The following GSDMC variants were observed in gnomAD, a reference collection of about 807,000 sequenced individuals.
The protein encoded by GSDMC is gasdermin C, also known as gasdermin-C.
GSDMC carries 59 observed loss-of-function variants against 58.0 expected under a neutral mutation model. That is an observed-to-expected ratio of 1.02 (90% CI 0.82 to 1.26). GSDMC has a LOEUF of 1.26. Among genes scored for constraint, GSDMC ranks in the 50% most tolerant of loss-of-function variants. GSDMC has a pLI of 0.00. For missense variants in GSDMC, 659 were observed against 598.5 expected (o/e 1.10, Z -1.06); for synonymous variants, 241 against 220.2 (o/e 1.09, Z -0.83).
intron 6 of GSDMC, among the ~76,000 whole-genome samples, chr8:129,753,421 G>A (rs1031641598): frequency 6.6e-6 from 1 of 152,160 alleles, no homozygotes; most frequent in Admixed American, 6.6e-5. Flanking sequence ...CTGCCTTGAA[G>A]GGAAGAACAC....
At chr8:129,746,741 G>A (rs947457411), downstream of GSDMC, among the ~76,000 whole-genome samples, 2 of 152,086 alleles carry the variant, frequency 1.3e-5, no homozygotes, top group South Asian at 2.1e-4. Context: ...ATAAGTCAAC[G>A]GGAGACCTTT....
the GSDMC span, among the ~76,000 whole-genome samples, chr8:129,735,626 G>T: frequency 6.6e-5 from 10 of 152,204 alleles, no homozygotes; most frequent in African/African-American, 2.4e-4. Flanking sequence ...AAAACACAAT[G>T]TACCAGAATC....
chr8:129,772,526 G>T (rs911077986), intron 3 of GSDMC, among the ~76,000 whole-genome samples: 2 of 152,074 alleles, frequency 1.3e-5, no homozygotes, highest in Non-Finnish European at 2.9e-5. Context: ...GTAGATAAGA[G>T]AAATGGATAA....
At chr8:129,765,574 C>T in intron 4 of GSDMC, 54 bp downstream of exon 4, 1 of 1,333,016 alleles carries the variant, frequency 7.5e-7, no homozygotes. Flanking sequence ...GCTTGGCTGC[C>T]AGGACTGGCT....
At chr8:129,754,547 C>A (rs997375533) in intron 6 of GSDMC, among the ~76,000 whole-genome samples, 1 of 152,120 alleles carries the variant, frequency 6.6e-6, no homozygotes, top group Non-Finnish European at 1.5e-5. Context: ...TCAATGCCTA[C>A]ATACCAAAAA....
At chr8:129,726,477 G>A in the GSDMC span, among the ~76,000 whole-genome samples, 1,192 of 152,246 alleles carry the variant, frequency 7.8e-3, 17 homozygotes, top group African/African-American at 0.027. Flanking sequence ...CAAGCATCCT[G>A]CTGTTTGACA....
Position 129,752,772 on chromosome 8 carries a change from C to T in GSDMC, c.770G>A (p.Gly257Glu). ...MVGYCAARSE[G>E]LLPSFHTISP... ...GATGGTATGAAATGATGGTAGCAAC[C>T]CCTCACTCCTCGCAGCACAGTAGCC... Residue 257 changes from glycine to glutamate, a missense_variant, in exon 7 of 14, where the codon GGG (glycine) becomes GAG (glutamate). Coordinates refer to ENST00000276708, the MANE Select transcript of GSDMC (RefSeq NM_031415.3). 6.2e-7 allele frequency: 1 copy of T among 1,614,130 alleles called. No homozygotes were observed. Among genetic ancestry groups the T allele is most frequent in the African/African-American group, 1.3e-5 (1 of 75,018 alleles).
chr8:129,752,747 G>A lies in GSDMC; in HGVS notation c.795C>T (p.Ile265=). 6.2e-7 allele frequency: 1 copy of A among 1,614,228 alleles called. No individual in the cohort carries two copies. Residue 265 remains isoleucine, a synonymous_variant, in exon 7 of 14, where the codon ATC becomes ATT. Transcript: ENST00000276708. The stretch of plus-strand genomic sequence containing the variant: ...ATGAGGCATTGAAGAGGGTTGGAGA[G>A]ATGGTATGAAATGATGGTAGCAACC... ...SEGLLPSFHT[I]SPTLFNASSN...
At chr8:129,716,398 T>C in the GSDMC span, among the ~76,000 whole-genome samples, 1 of 152,250 alleles carries the variant, frequency 6.6e-6, no homozygotes, top group Non-Finnish European at 1.5e-5. Flanking sequence ...GGGAGTTCAC[T>C]CATGATTTGG....
chr8:129,735,688 C>T, the GSDMC span, among the ~76,000 whole-genome samples: 7 of 152,086 alleles, frequency 4.6e-5, no homozygotes, highest in Non-Finnish European at 1.0e-4. Flanking sequence ...GCACTAAATG[C>T]CCACAAGAGA....
rs553612491 is a variant in GSDMC, at chr8:129,754,325, G to A, written c.722-1505C>T. ...AGAGAGAGAGACCCCATTTGTTTGGGAGAAAGTAAGGGGAAAAAACAAGAG... is the reference window on the plus strand; with the variant it reads ...AGAGAGAGAGACCCCATTTGTTTGGAAGAAAGTAAGGGGAAAAAACAAGAG... On this transcript the variant is annotated intron_variant, in intron 6 of 13. Transcript: ENST00000276708. Among the ~76,000 whole-genome samples, 20 of 152,330 alleles carry A rather than the reference G, an allele frequency of 1.3e-4. 1 individual carries two copies. Among genetic ancestry groups the A allele is most frequent in the South Asian group, 1.2e-3 (6 of 4,826 alleles).
chr8:129,730,215 A>T, the GSDMC span: 1 of 1,263,884 alleles, frequency 7.9e-7, no homozygotes, highest in Non-Finnish European at 1.1e-6. Context: ...AGAAGAAATG[A>T]ATAAAAGACA....
chr8:129,773,976 G>A (rs750906848), intron 3 of GSDMC, among the ~76,000 whole-genome samples: 1 of 152,054 alleles, frequency 6.6e-6, no homozygotes, highest in East Asian at 1.9e-4. Context: ...TTATTAAAAT[G>A]TCATACTACT....
rs2033110144 is a variant in GSDMC at position 129,750,000 on chromosome 8, T to C, written c.1203A>G (p.Glu401=). ...NPKDPILYLL[E]AIMVLSDFQH... is the part of the protein sequence containing the mutation. The stretch of plus-strand genomic sequence containing the variant: ...TTTAATTACTCTTACCCATTATGGC[T>C]TCAAGGAGATAAAGAATGGGGTCCT... Residue 401 remains glutamate, a synonymous_variant, in exon 12 of 14, where the codon GAA becomes GAG. Transcript: ENST00000276708. 6.2e-7 allele frequency: 1 copy of C among 1,601,782 alleles called. No homozygotes were observed. Among genetic ancestry groups the C allele is most frequent in the South Asian group, 1.1e-5 (1 of 87,972 alleles).
At position 129,777,492 on chromosome 8, in the gene GSDMC, T is replaced by C. The variant is rs942778004; in HGVS notation, c.96A>G (p.Lys32=). 1 of 1,613,368 alleles carries C rather than the reference T, an allele frequency of 6.2e-7. No homozygotes were observed. Residue 32 remains lysine, a synonymous_variant, in exon 2 of 14, where the codon AAA becomes AAG. Transcript: ENST00000276708. The stretch of plus-strand genomic sequence containing the variant: ...TTCGTAATATAACAAACTGACGTAA[T>C]TTGGTGGCACTCAATAGGTATTTGA... ...TPVKYLLSAT[K]LRQFVILRKK...
At position 129,750,550 on chromosome 8, in the gene GSDMC, C is replaced by G; in HGVS notation, c.964G>C (p.Glu322Gln). Residue 322 changes from glutamate to glutamine, a missense_variant, in exon 11 of 14, where the codon GAG (glutamate) becomes CAG (glutamine). Transcript: ENST00000276708. ...AGTGTCTTTATTTTCTGGAAAACCT[C>G]CTCTTGTAGATGCTTGAAATCTGCT... is the stretch of plus-strand genomic sequence containing the variant. ...FWQNFKHLQEEVFQKIKTLAQ... is the reference protein window; with the variant it reads ...FWQNFKHLQEQVFQKIKTLAQ... The G allele has an allele frequency of 6.2e-7, 1 of 1,614,076 alleles. No homozygotes were observed. The highest frequency in any genetic ancestry group is 8.5e-7 in the Non-Finnish European group (1 of 1,179,956).
chr8:129,746,702 G>A (rs1307114325), downstream of GSDMC, among the ~76,000 whole-genome samples: 2 of 152,130 alleles, frequency 1.3e-5, no homozygotes, highest in African/African-American at 2.4e-5. Flanking sequence ...GGGAAAATTT[G>A]ACTAGCCTTG....
intron 11 of GSDMC, 111 bp from the exon 12 acceptor site, chr8:129,750,230 TCC>T: frequency 9.5e-7 from 1 of 1,054,352 alleles, no homozygotes; most frequent in Non-Finnish European, 1.3e-6. Flanking sequence ...GTTCTCTACC[TCC>T]CCCAGGGGAT....
the GSDMC span, among the ~76,000 whole-genome samples, chr8:129,708,877 A>C: frequency 2.0e-5 from 3 of 152,248 alleles, no homozygotes; most frequent in East Asian, 1.9e-4. Flanking sequence ...AACTCTGGAC[A>C]ATGGCCCATG....
Sources: gnomAD v4.1 joint callset for allele counts (sites outside exome capture counted in the v4.1 genomes callset) on GRCh38, gnomAD v4.1.1 for gene constraint, MANE v1.5 for transcripts, NCBI Gene and HGNC (gene_info 2026-07-23, HGNC 2026-07-21) for gene names.